Variants in EPB41L3 observed in about 807,000 individuals in gnomAD.
EPB41L3 encodes the protein band 4.1-like protein 3.
Under a neutral mutation model 127.1 loss-of-function variants are expected in EPB41L3, and 57 were observed. The observed-to-expected ratio is 0.45, with a 90% CI of 0.36 to 0.56. The LOEUF is 0.56. Ranked by LOEUF, EPB41L3 falls within the 20% of genes least tolerant of loss-of-function variation. The pLI, the probability that EPB41L3 is intolerant of heterozygous loss-of-function variation, is 0.00. For synonymous variants in EPB41L3, 572 were observed against 549.5 expected (o/e 1.04, Z -0.57); for missense variants, 1,273 against 1,372.2 (o/e 0.93, Z 1.14).
chr18:5,602,481 T>A (rs554074574), intron 3 of EPB41L3, among the ~76,000 whole-genome samples: 1 of 152,268 alleles, frequency 6.6e-6, no homozygotes, highest in African/African-American at 2.4e-5. Flanking sequence ...CTGAGACAGG[T>A]CTCATTCTGT....
intron 6 of EPB41L3, among the ~76,000 whole-genome samples, chr18:5,436,131 G>A (rs1341269635): frequency 2.6e-5 from 4 of 152,068 alleles, no homozygotes; most frequent in Non-Finnish European, 5.9e-5. Context: ...CCCAAGGTAA[G>A]TGTTAACATT....
chr18:5,498,594 C>CAAAAAAA (rs397828412), intron 1 of EPB41L3, among the ~76,000 whole-genome samples: 48,215 of 69,876 alleles, frequency 0.69, 16,287 homozygotes, highest in East Asian at 0.82. Flanking sequence ...GACTCCATCT[C>CAAAAAAA]AAAAAAAAAA....
intron 12 of EPB41L3, 112 bp from the exon 13 acceptor site, chr18:5,416,490 A>C: frequency 1.7e-6 from 2 of 1,210,308 alleles, no homozygotes; most frequent in East Asian, 2.6e-5. Flanking sequence ...AAAATTGTAA[A>C]ACAAAAATTT....
At chr18:5,410,307 T>G (rs1320300778) in intron 14 of EPB41L3, among the ~76,000 whole-genome samples, 1 of 152,080 alleles carries the variant, frequency 6.6e-6, no homozygotes, top group Admixed American at 6.6e-5. Flanking sequence ...TGGGAACTTG[T>G]TAGAAATATA....
chr18:5,597,103 T>C (rs1270428283), intron 3 of EPB41L3, among the ~76,000 whole-genome samples: 1 of 152,172 alleles, frequency 6.6e-6, no homozygotes, highest in African/African-American at 2.4e-5. Context: ...TAAGACTGGC[T>C]TGGACCAAAT....
intron 12 of EPB41L3, among the ~76,000 whole-genome samples, chr18:5,418,411 A>G (rs1267859650): frequency 6.6e-6 from 1 of 152,240 alleles, no homozygotes; most frequent in Non-Finnish European, 1.5e-5. Context: ...CACTTCTTCA[A>G]TACTTATACA....
intron 9 of EPB41L3, 130 bp downstream of exon 9, chr18:5,428,183 C>A: frequency 9.9e-7 from 1 of 1,007,414 alleles, no homozygotes; most frequent in Middle Eastern, 2.2e-4. Context: ...CTACAATAAA[C>A]TCTCTCAGGC....
At position 5,428,348 on chromosome 18, in the gene EPB41L3, G is replaced by A. The variant is rs1438985752; in HGVS notation, c.1030C>T (p.Arg344Trp). ...CGGATCTTAATGTAAAAGTTGTTCC[G>A]TTTGTATGAAATCTTTAGAACCTTG... is the stretch of plus-strand genomic sequence containing the variant. ...WPKVLKISYK[R>W]NNFYIKIRPG... The change falls in exon 9 of 23, where the codon CGG (arginine) becomes TGG (tryptophan). Residue 344 changes from arginine to tryptophan, a missense_variant. Transcript: ENST00000341928. 2.5e-6 allele frequency: 4 copies of A among 1,614,082 alleles called. No homozygotes were observed. The highest frequency in any genetic ancestry group is 1.1e-5 in the South Asian group (1 of 91,084).
chr18:5,475,917 G>C (rs2087095034), intron 3 of EPB41L3, among the ~76,000 whole-genome samples: 1 of 151,866 alleles, frequency 6.6e-6, no homozygotes. Flanking sequence ...TTCAAGGAGA[G>C]CCAACACTGA....
intron 3 of EPB41L3, among the ~76,000 whole-genome samples, chr18:5,455,596 C>T (rs2082917767): frequency 6.6e-6 from 1 of 151,502 alleles, no homozygotes; most frequent in South Asian, 2.1e-4. Flanking sequence ...ACATATTAAG[C>T]CCATCTACCT....
At chr18:5,513,447 T>G (rs2092626620) in intron 1 of EPB41L3, among the ~76,000 whole-genome samples, 1 of 152,176 alleles carries the variant, frequency 6.6e-6, no homozygotes, top group Admixed American at 6.5e-5. Flanking sequence ...GAAAGACTTT[T>G]CTCTCATTTA....
intron 13 of EPB41L3, among the ~76,000 whole-genome samples, chr18:5,413,956 T>C (rs935420755): frequency 1.3e-5 from 2 of 152,224 alleles, no homozygotes; most frequent in Admixed American, 6.5e-5. Flanking sequence ...TTAATTCTCA[T>C]GCACTGATTA....
At position 5,433,646 on chromosome 18, in the gene EPB41L3, G is replaced by T; in HGVS notation, c.825-90C>A. 4.2e-6 allele frequency: 5 copies of T among 1,192,550 alleles called. No individual in the cohort carries two copies. The South Asian group carries it at 6.7e-5, about 16-fold the overall frequency. 73.9% of individuals were successfully genotyped at this position (1,192,550 alleles called of 1,614,324 possible). A position where few individuals can be genotyped will look rare whatever the true frequency, so the allele number is the denominator to read the frequency against. On this transcript the variant is annotated intron_variant, in intron 7 of 22. Coordinates refer to ENST00000341928, the MANE Select transcript of EPB41L3 (RefSeq NM_012307.5). ...CACTTAGTTCCATGCTATCTCATAA[G>T]AAGTCCTATGGAGGCACCAGCAGAT... is the stretch of plus-strand genomic sequence containing the variant.
chr18:5,428,577 T>C (rs982159586), intron 8 of EPB41L3, 112 bp from the exon 9 acceptor site: 21 of 1,174,302 alleles, frequency 1.8e-5, no homozygotes, highest in Middle Eastern at 2.3e-4. Flanking sequence ...GGTTTACTTA[T>C]GCAAAATGAT....
At chr18:5,587,812 G>A (rs544100787) in intron 3 of EPB41L3, among the ~76,000 whole-genome samples, 5 of 152,236 alleles carry the variant, frequency 3.3e-5, no homozygotes, top group Admixed American at 3.3e-4. Flanking sequence ...TTAATGAAAT[G>A]AAATAATTTG....
chr18:5,474,100 G>A (rs1027469758), intron 3 of EPB41L3, among the ~76,000 whole-genome samples: 6 of 151,916 alleles, frequency 3.9e-5, no homozygotes, highest in East Asian at 1.9e-4. Context: ...GCGTGGTGGT[G>A]GGCGCCTGTA....
At chr18:5,628,479 C>A (rs1279870743) in intron 1 of EPB41L3, among the ~76,000 whole-genome samples, 1 of 152,202 alleles carries the variant, frequency 6.6e-6, no homozygotes, top group Non-Finnish European at 1.5e-5. Context: ...CGCCTGGCCT[C>A]GCCTCGCCTC....
chr18:5,424,817 G>A (rs929888568), intron 9 of EPB41L3, among the ~76,000 whole-genome samples: 5 of 152,166 alleles, frequency 3.3e-5, no homozygotes, highest in African/African-American at 9.6e-5. Flanking sequence ...ACCTGGGCAG[G>A]AAATATGTGT....
chr18:5,605,943 G>T (rs1363310985), intron 3 of EPB41L3, among the ~76,000 whole-genome samples: 4 of 152,106 alleles, frequency 2.6e-5, no homozygotes, highest in Admixed American at 6.5e-5. Context: ...AGAAGGAGGA[G>T]GATGAAAAAA....
Sources: allele counts gnomAD v4.1 joint callset (sites outside exome capture counted in the v4.1 genomes callset), GRCh38; gene constraint gnomAD v4.1.1; transcripts MANE v1.5; gene names NCBI Gene and HGNC (gene_info 2026-07-23, HGNC 2026-07-21).